Variants in SLC8A3 observed in about 807,000 individuals in gnomAD.
The protein encoded by SLC8A3 is solute carrier family 8 member A3.
A neutral mutation model predicts 65.4 loss-of-function variants in SLC8A3; 37 were observed. The observed-to-expected ratio is 0.57, with a 90% CI of 0.44 to 0.74. The LOEUF is 0.74. Ranked by LOEUF, SLC8A3 falls within the 30% of genes least tolerant of loss-of-function variation. The pLI, the probability that SLC8A3 is intolerant of heterozygous loss-of-function variation, is 0.00. For synonymous variants in SLC8A3, 461 were observed against 444.5 expected (o/e 1.04, Z -0.47); for missense variants, 1,112 against 1,172.1 (o/e 0.95, Z 0.75).
chr14:70,084,381 T>C (rs1594956665), intron 2 of SLC8A3, among the ~76,000 whole-genome samples: 1 of 152,208 alleles, frequency 6.6e-6, no homozygotes, highest in African/African-American at 2.4e-5. Context: ...TTGTCAACCT[T>C]CTGGGGCTTG....
chr14:70,125,755 G>A (rs1292997501), intron 2 of SLC8A3, among the ~76,000 whole-genome samples: 1 of 151,978 alleles, frequency 6.6e-6, no homozygotes, highest in Non-Finnish European at 1.5e-5. Flanking sequence ...AATCTCCTAG[G>A]GAGCTTTTTT....
chr14:70,106,235 T>C (rs762636599), intron 2 of SLC8A3, among the ~76,000 whole-genome samples: 1 of 152,144 alleles, frequency 6.6e-6, no homozygotes, highest in Non-Finnish European at 1.5e-5. Flanking sequence ...ACCAGTGCAG[T>C]AAAACAAGAA....
chr14:70,168,065 C>T lies in SLC8A3; in HGVS notation c.358G>A (p.Glu120Lys), dbSNP rs80024990. 1.9e-6 allele frequency: 3 copies of T among 1,614,152 alleles called. No individual in the cohort carries two copies. In the Admixed American group the frequency reaches 5.0e-5, roughly 27 times the overall value. ...ACCCGAATAGTGGTTGTGCTGGTTT[C>T]TCCATTGGGTTTCTTAATTGTCACC... ...REVTIKKPNGETSTTTIRVWN... is the reference protein window; with the variant it reads ...REVTIKKPNGKTSTTTIRVWN... Residue 120 changes from glutamate to lysine, a missense_variant, in exon 2 of 7, where the codon GAA becomes AAA. Transcript: ENST00000356921.
At chr14:70,089,509 T>C (rs2140050493) in intron 2 of SLC8A3, among the ~76,000 whole-genome samples, 1 of 152,216 alleles carries the variant, frequency 6.6e-6, no homozygotes, top group South Asian at 2.1e-4. Flanking sequence ...AGGTGGGGAT[T>C]GTGGAGCAAT....
chr14:70,163,781 T>C (rs969508363), intron 2 of SLC8A3, among the ~76,000 whole-genome samples: 8 of 152,292 alleles, frequency 5.3e-5, no homozygotes, highest in African/African-American at 1.4e-4. Flanking sequence ...CATCCAGAAC[T>C]TGTTAGAAAT....
At chr14:70,057,719 C>G (rs2074246515) in intron 3 of SLC8A3, among the ~76,000 whole-genome samples, 1 of 152,126 alleles carries the variant, frequency 6.6e-6, no homozygotes, top group Non-Finnish European at 1.5e-5. Flanking sequence ...TGAACTTTCC[C>G]CTGTATTGAT....
At chr14:70,071,569 C>T (rs1055520062) in intron 2 of SLC8A3, among the ~76,000 whole-genome samples, 3 of 152,164 alleles carry the variant, frequency 2.0e-5, no homozygotes, top group Non-Finnish European at 2.9e-5. Context: ...CCACAAGAGA[C>T]GGGATTCTGC....
intron 2 of SLC8A3, among the ~76,000 whole-genome samples, chr14:70,104,765 A>G (rs1437482788): frequency 6.6e-6 from 1 of 152,212 alleles, no homozygotes; most frequent in Non-Finnish European, 1.5e-5. Context: ...GACAATGAAA[A>G]GACAATATCA....
At chr14:70,078,780 C>T (rs1890766824) in intron 2 of SLC8A3, among the ~76,000 whole-genome samples, 1 of 152,134 alleles carries the variant, frequency 6.6e-6, no homozygotes, top group African/African-American at 2.4e-5. Flanking sequence ...GTTTTAAAAC[C>T]TCACTTGTAT....
chr14:70,059,631 C>G (rs1888549295), intron 3 of SLC8A3, among the ~76,000 whole-genome samples: 1 of 152,166 alleles, frequency 6.6e-6, no homozygotes, highest in South Asian at 2.1e-4. Flanking sequence ...GAGCCCCTGG[C>G]AGGTATTCTC....
chr14:70,174,434 C>T (rs1031896029), intron 1 of SLC8A3, among the ~76,000 whole-genome samples: 1 of 152,078 alleles, frequency 6.6e-6, no homozygotes, highest in African/African-American at 2.4e-5. Context: ...TCCAGTCAAA[C>T]ATGCTTTGAT....
chr14:70,069,488 G>A (rs1040015782), intron 2 of SLC8A3, among the ~76,000 whole-genome samples: 2 of 152,136 alleles, frequency 1.3e-5, no homozygotes, highest in African/African-American at 4.8e-5. Context: ...CCTTGACCTG[G>A]GGCAGCTGGA....
chr14:70,114,631 C>T (rs1320158640), intron 2 of SLC8A3, among the ~76,000 whole-genome samples: 1 of 152,180 alleles, frequency 6.6e-6, no homozygotes, highest in Non-Finnish European at 1.5e-5. Context: ...TCTGGCAATT[C>T]CATTAAAAAT....
intron 1 of SLC8A3, among the ~76,000 whole-genome samples, chr14:70,185,742 G>A (rs543529954): frequency 1.9e-4 from 29 of 152,316 alleles, no homozygotes; most frequent in Non-Finnish European, 2.9e-5. Flanking sequence ...TCCTCCCTTT[G>A]TGGAGTCTGT....
intron 2 of SLC8A3, among the ~76,000 whole-genome samples, chr14:70,120,691 C>A (rs535902003): frequency 1.3e-5 from 2 of 152,270 alleles, no homozygotes; most frequent in Non-Finnish European, 2.9e-5. Context: ...TTTGGCCAAG[C>A]CACACAATGT....
chr14:70,059,982 G>C (rs1488318804), intron 3 of SLC8A3, among the ~76,000 whole-genome samples: 1 of 152,130 alleles, frequency 6.6e-6, no homozygotes, highest in Admixed American at 6.5e-5. Context: ...GCCTGAATGA[G>C]GCACCCAACC....
rs118041311 is a variant in SLC8A3, at chr14:70,058,548, C to A, written c.1888+2288G>T. ...CTTGCTGAAATCCTTGTCTTCTCACCTACTCCCTCCACGAGGGCATTGCTG... is the reference window on the plus strand; with the variant it reads ...CTTGCTGAAATCCTTGTCTTCTCACATACTCCCTCCACGAGGGCATTGCTG... On this transcript the variant is annotated intron_variant, in intron 3 of 6. Transcript: ENST00000356921. Among the ~76,000 whole-genome samples the A allele has an allele frequency of 7.3e-4, 111 of 152,286 alleles. 2 individuals are homozygous for A. The East Asian group carries it at 0.021, about 29-fold the overall frequency.
intron 1 of SLC8A3, among the ~76,000 whole-genome samples, chr14:70,174,524 A>C (rs572214873): frequency 6.6e-6 from 1 of 152,106 alleles, no homozygotes; most frequent in African/African-American, 2.4e-5. Context: ...TGTGGAATTT[A>C]GACTCCCACA....
chr14:70,156,319 C>T (rs1384626901), intron 2 of SLC8A3, among the ~76,000 whole-genome samples: 1 of 152,146 alleles, frequency 6.6e-6, no homozygotes, highest in Non-Finnish European at 1.5e-5. Context: ...TTAGGATTGG[C>T]CCAGTATTGA....
Sources: allele counts gnomAD v4.1 joint callset (sites outside exome capture counted in the v4.1 genomes callset), GRCh38; gene constraint gnomAD v4.1.1; transcripts MANE v1.5; gene names NCBI Gene and HGNC (gene_info 2026-07-23, HGNC 2026-07-21).